CNTNAP2: variants seen among roughly 807,000 people sequenced by gnomAD.
CNTNAP2 encodes the protein contactin associated protein 2.
CNTNAP2 carries 98 observed loss-of-function variants against 155.2 expected under a neutral mutation model. The ratio of observed to expected loss-of-function variants is 0.63; its 90% CI spans 0.54 to 0.75. The LOEUF (loss-of-function observed/expected upper bound fraction) is 0.75, where lower values mean the gene tolerates loss of function less well. Ranked by LOEUF, CNTNAP2 falls within the 30% of genes least tolerant of loss-of-function variation. The probability of loss-of-function intolerance (pLI) is 0.00; values close to 1 mark genes in which losing one functional copy is unlikely to be tolerated. For missense variants in CNTNAP2, 1,727 were observed against 1,688.1 expected (o/e 1.02, Z -0.40); for synonymous variants, 651 against 631.2 (o/e 1.03, Z -0.47).
intron 1 of CNTNAP2, among the ~76,000 whole-genome samples, chr7:146,253,796 C>T (rs73457905): frequency 0.012 from 1,863 of 152,154 alleles, 41 homozygotes; most frequent in African/African-American, 0.043. Context: ...GTGACTCATG[C>T]CTTTAATCCT....
chr7:148,348,616 G>A (rs796223045), intron 21 of CNTNAP2, among the ~76,000 whole-genome samples: 21 of 152,314 alleles, frequency 1.4e-4, no homozygotes, highest in African/African-American at 5.1e-4. Flanking sequence ...GAATGCTCTA[G>A]AGATCCCAAG....
At chr7:147,123,238 T>C (rs766700602) in intron 6 of CNTNAP2, among the ~76,000 whole-genome samples, 2 of 152,210 alleles carry the variant, frequency 1.3e-5, no homozygotes, top group African/African-American at 2.4e-5. Flanking sequence ...TATCTCCCAA[T>C]GTATGAGAGA....
chr7:147,876,222 C>G (rs1446975791), intron 13 of CNTNAP2, among the ~76,000 whole-genome samples: 1 of 152,152 alleles, frequency 6.6e-6, no homozygotes, highest in Non-Finnish European at 1.5e-5. Context: ...TTTTCTCCAT[C>G]TTTATTTCAC....
intron 15 of CNTNAP2, among the ~76,000 whole-genome samples, chr7:148,067,496 C>T (rs1222094358): frequency 2.0e-5 from 3 of 152,250 alleles, no homozygotes; most frequent in East Asian, 3.9e-4. Context: ...TTGCTCTGGT[C>T]GAGGTAGTAG....
intron 2 of CNTNAP2, among the ~76,000 whole-genome samples, chr7:146,822,487 T>TA (rs1297038516): frequency 1.5e-3 from 212 of 144,194 alleles, no homozygotes; most frequent in Middle Eastern, 3.5e-3. Context: ...TACAAAAATT[T>TA]AAAAAAAAAA....
At chr7:148,164,927 C>T (rs899644507) in intron 17 of CNTNAP2, among the ~76,000 whole-genome samples, 3 of 151,902 alleles carry the variant, frequency 2.0e-5, no homozygotes, top group African/African-American at 7.3e-5. Context: ...GGATTACAGG[C>T]ATGAGCCACC....
chr7:147,725,826 A>G (rs958279693), intron 13 of CNTNAP2, among the ~76,000 whole-genome samples: 1 of 152,072 alleles, frequency 6.6e-6, no homozygotes, highest in Non-Finnish European at 1.5e-5. Flanking sequence ...TGAAAAGATC[A>G]CAGAGCTGCT....
intron 10 of CNTNAP2, among the ~76,000 whole-genome samples, chr7:147,427,048 C>T (rs1410623430): frequency 6.6e-6 from 1 of 152,146 alleles, no homozygotes; most frequent in East Asian, 1.9e-4. Context: ...AATCGAGGCA[C>T]CAGCAGGATT....
chr7:147,476,929 T>TAAA (rs1220005381), intron 10 of CNTNAP2, among the ~76,000 whole-genome samples: 2 of 18,244 alleles, frequency 1.1e-4, no homozygotes, highest in Admixed American at 1.6e-3. Context: ...CTCTGTCATT[T>TAAA]AAAAAAAAAA....
At chr7:147,336,901 C>A (rs826799) in intron 9 of CNTNAP2, among the ~76,000 whole-genome samples, 119,603 of 151,922 alleles carry the variant, frequency 0.79, 47,673 homozygotes, top group African/African-American at 0.92. Context: ...CTCTCAATTC[C>A]AAAGGGACAT....
rs10603520 is a variant in CNTNAP2 at position 148,339,974 on chromosome 7, A to AGTGTGTGTGTGTGTGTGT, written c.3476-43656_3476-43639dup. On this transcript the variant is annotated intron_variant, in intron 21 of 23. Transcript: ENST00000361727. ...AGAATCTGAGAGTGCTCCTTCGTGC[A>AGTGTGTGTGTGTGTGTGT]GTGTGTGTGTGTGTGTGTGTGTGTG... Among the ~76,000 whole-genome samples, 49 of 144,882 alleles carry AGTGTGTGTGTGTGTGTGT rather than the reference A, an allele frequency of 3.4e-4. 1 individual carries two copies. The highest frequency in any genetic ancestry group is 1.1e-3 in the African/African-American group (41 of 38,980).
intron 1 of CNTNAP2, among the ~76,000 whole-genome samples, chr7:146,451,891 A>C (rs928323000): frequency 9.2e-5 from 7 of 75,862 alleles, no homozygotes; most frequent in African/African-American, 7.0e-4. Flanking sequence ...ACATATACAT[A>C]TATTTATTTA....
At chr7:147,288,861 A>G (rs890413528) in intron 8 of CNTNAP2, among the ~76,000 whole-genome samples, 2 of 152,200 alleles carry the variant, frequency 1.3e-5, no homozygotes, top group African/African-American at 4.8e-5. Context: ...CACACACTAC[A>G]TACAAAATGT....
intron 21 of CNTNAP2, among the ~76,000 whole-genome samples, chr7:148,326,137 G>T (rs928437000): frequency 2.7e-5 from 4 of 149,302 alleles, no homozygotes; most frequent in East Asian, 2.0e-4. Flanking sequence ...ATGCAAACAG[G>T]TTTTTTTTTT....
chr7:148,276,217 G>A (rs1796868127), intron 21 of CNTNAP2, among the ~76,000 whole-genome samples: 1 of 152,144 alleles, frequency 6.6e-6, no homozygotes, highest in South Asian at 2.1e-4. Flanking sequence ...GTGTTCCCAG[G>A]AGAAACCCTG....
chr7:146,306,845 C>G (rs1402094500), intron 1 of CNTNAP2, among the ~76,000 whole-genome samples: 2 of 152,076 alleles, frequency 1.3e-5, no homozygotes, highest in Non-Finnish European at 2.9e-5. Flanking sequence ...ATAATAAGAG[C>G]TATTTATGAC....
chr7:146,685,250 G>A (rs1445976034), intron 1 of CNTNAP2, among the ~76,000 whole-genome samples: 1 of 152,074 alleles, frequency 6.6e-6, no homozygotes, highest in Non-Finnish European at 1.5e-5. Flanking sequence ...GGATAGCATG[G>A]TATTGTGCCG....
intron 13 of CNTNAP2, among the ~76,000 whole-genome samples, chr7:147,847,855 C>T (rs1388357546): frequency 1.9e-5 from 2 of 103,296 alleles, no homozygotes; most frequent in East Asian, 2.7e-4. Context: ...AATACCCTGC[C>T]GTGTGAGGTG....
At chr7:147,067,322 C>G (rs1274985861) in intron 4 of CNTNAP2, among the ~76,000 whole-genome samples, 4 of 147,478 alleles carry the variant, frequency 2.7e-5, no homozygotes, top group East Asian at 2.0e-4. Context: ...AAGGACTAAT[C>G]CCATTCATAA....
Sources: gnomAD v4.1 joint callset for allele counts (sites outside exome capture counted in the v4.1 genomes callset) on GRCh38, gnomAD v4.1.1 for gene constraint, MANE v1.5 for transcripts, NCBI Gene and HGNC (gene_info 2026-07-23, HGNC 2026-07-21) for gene names.